SYNPR: variants seen among roughly 807,000 people sequenced by gnomAD.
SYNPR encodes the protein synaptoporin.
In SYNPR, 23 loss-of-function variants were observed where a neutral mutation model predicts 32.9. The ratio of observed to expected loss-of-function variants is 0.70; its 90% CI spans 0.50 to 0.99. SYNPR has a LOEUF of 0.99. Ranked by LOEUF, SYNPR falls within the 50% of genes least tolerant of loss-of-function variation. The probability of loss-of-function intolerance (pLI) is 0.00; values close to 1 mark genes in which losing one functional copy is unlikely to be tolerated. For synonymous variants in SYNPR, 146 were observed against 135.9 expected, an observed-to-expected ratio of 1.07 and a Z score of -0.52; for missense variants, 318 against 349.3, an observed-to-expected ratio of 0.91 and a Z score of 0.71.
chr3:63,237,918 G>C (rs140658534), intron 1 of SYNPR, among the ~76,000 whole-genome samples: 2,289 of 152,100 alleles, frequency 0.015, 60 homozygotes, highest in African/African-American at 0.052. Flanking sequence ...CAGAGAAGGA[G>C]AGTGCTGCTC....
At chr3:63,342,738 G>A (rs1055271950) in intron 2 of SYNPR, among the ~76,000 whole-genome samples, 2 of 152,042 alleles carry the variant, frequency 1.3e-5, no homozygotes, top group African/African-American at 2.4e-5. Flanking sequence ...GAAACCATCT[G>A]GGATTGGAGA....
chr3:63,530,210 A>G (rs6777474), intron 3 of SYNPR, among the ~76,000 whole-genome samples: 35,155 of 152,062 alleles, frequency 0.23, 4,152 homozygotes, highest in East Asian at 0.33. Flanking sequence ...AAGAACTCCC[A>G]TATTGTTATT....
At chr3:63,253,492 A>G (rs1180098220) in intron 2 of SYNPR, among the ~76,000 whole-genome samples, 1 of 152,250 alleles carries the variant, frequency 6.6e-6, no homozygotes, top group African/African-American at 2.4e-5. Context: ...ACTGATTTAT[A>G]GCAGCATTCT....
chr3:63,469,164 C>A (rs1255289629), intron 2 of SYNPR, among the ~76,000 whole-genome samples: 2 of 152,116 alleles, frequency 1.3e-5, no homozygotes, highest in African/African-American at 4.8e-5. Flanking sequence ...GAGAACGCTG[C>A]ACATGGCAAT....
At chr3:63,229,915 T>C (rs2106872373) in intron 1 of SYNPR, among the ~76,000 whole-genome samples, 1 of 152,296 alleles carries the variant, frequency 6.6e-6, no homozygotes, top group South Asian at 2.1e-4. Context: ...GCTTTTTTGC[T>C]TTAATACCCA....
At chr3:63,277,495 G>A (rs2086587606), upstream of SYNPR, among the ~76,000 whole-genome samples, 1 of 152,128 alleles carries the variant, frequency 6.6e-6, no homozygotes, top group South Asian at 2.1e-4. Flanking sequence ...AGTTCATTTG[G>A]GGGTCAGATA....
chr3:63,370,983 A>C (rs956589816), intron 2 of SYNPR, among the ~76,000 whole-genome samples: 2 of 152,204 alleles, frequency 1.3e-5, no homozygotes, highest in African/African-American at 4.8e-5. Context: ...TCTCACGGAC[A>C]GAAGAAACAG....
At chr3:63,431,251 A>G (rs1452785044) in intron 2 of SYNPR, among the ~76,000 whole-genome samples, 1 of 152,208 alleles carries the variant, frequency 6.6e-6, no homozygotes, top group African/African-American at 2.4e-5. Flanking sequence ...AGAGAAGAAA[A>G]CACTAGAAAT....
intron 2 of SYNPR, among the ~76,000 whole-genome samples, chr3:63,424,197 G>A (rs1353441245): frequency 6.6e-6 from 1 of 152,148 alleles, no homozygotes; most frequent in Non-Finnish European, 1.5e-5. Context: ...GAAGCTGGGT[G>A]CAAGGTATAT....
At chr3:63,437,129 G>T (rs1462407840) in intron 2 of SYNPR, among the ~76,000 whole-genome samples, 1 of 149,878 alleles carries the variant, frequency 6.7e-6, no homozygotes, top group Non-Finnish European at 1.5e-5. Flanking sequence ...TGCCCACCTC[G>T]GCCTCCCAGA....
At chr3:63,446,806 TC>T (rs1209394784) in intron 2 of SYNPR, among the ~76,000 whole-genome samples, 1 of 151,668 alleles carries the variant, frequency 6.6e-6, no homozygotes, top group Non-Finnish European at 1.5e-5. Flanking sequence ...GAACTAAGAG[TC>T]AAGTTTTGAA....
chr3:63,378,008 A>G (rs1317789132), intron 2 of SYNPR, among the ~76,000 whole-genome samples: 1 of 151,930 alleles, frequency 6.6e-6, no homozygotes, highest in African/African-American at 2.4e-5. Flanking sequence ...TGCATTTATT[A>G]TAAGAGCATA....
intron 2 of SYNPR, among the ~76,000 whole-genome samples, chr3:63,436,386 T>C (rs1366175257): frequency 1.4e-5 from 2 of 138,476 alleles, no homozygotes; most frequent in Non-Finnish European, 3.1e-5. Flanking sequence ...CCTGTGTCCA[T>C]GTGTTCTCAT....
intron 3 of SYNPR, among the ~76,000 whole-genome samples, chr3:63,537,899 G>C (rs1455184556): frequency 6.6e-6 from 1 of 152,080 alleles, no homozygotes; most frequent in Non-Finnish European, 1.5e-5. Flanking sequence ...TAACCATCTA[G>C]ATTACAGGAT....
chr3:63,416,288 T>C (rs889117147), intron 2 of SYNPR, among the ~76,000 whole-genome samples: 1 of 152,208 alleles, frequency 6.6e-6, no homozygotes, highest in African/African-American at 2.4e-5. Flanking sequence ...CCCAGCACTT[T>C]GGGAGGCCAA....
chr3:63,344,550 A>ATTTTTTT (rs10627844), intron 2 of SYNPR, among the ~76,000 whole-genome samples: 6 of 130,578 alleles, frequency 4.6e-5, no homozygotes, highest in African/African-American at 8.7e-5. Flanking sequence ...TTCAAAAAAG[A>ATTTTTTT]TTTTTTTTTT....
chr3:63,500,341 A>G (rs565959054), intron 3 of SYNPR, among the ~76,000 whole-genome samples: 2 of 152,244 alleles, frequency 1.3e-5, no homozygotes, highest in South Asian at 4.1e-4. Flanking sequence ...GTCCTAGAGA[A>G]AAAAGAGCTG....
At chr3:63,539,821 G>A (rs1702268165) in intron 3 of SYNPR, among the ~76,000 whole-genome samples, 1 of 152,124 alleles carries the variant, frequency 6.6e-6, no homozygotes, top group African/African-American at 2.4e-5. Context: ...GGGATCCTCT[G>A]AGAAACTGTA....
chr3:63,533,053 C>G (rs887930420), intron 3 of SYNPR, among the ~76,000 whole-genome samples: 1 of 152,160 alleles, frequency 6.6e-6, no homozygotes, highest in Admixed American at 6.5e-5. Flanking sequence ...TCAATTATAG[C>G]ACTTAGCACA....
Sources: gnomAD v4.1 joint callset for allele counts (sites outside exome capture counted in the v4.1 genomes callset) on GRCh38, gnomAD v4.1.1 for gene constraint, MANE v1.5 for transcripts, NCBI Gene and HGNC (gene_info 2026-07-23, HGNC 2026-07-21) for gene names.